The following TRAPPC9 variants were observed in gnomAD, a reference collection of about 807,000 sequenced individuals.
The protein encoded by TRAPPC9 is IKK2 binding protein.
TRAPPC9 carries 83 observed loss-of-function variants against 124.0 expected under a neutral mutation model. The ratio of observed to expected loss-of-function variants is 0.67; its 90% confidence interval spans 0.56 to 0.80. TRAPPC9 has a LOEUF of 0.80. TRAPPC9 is among the 30% of genes least tolerant of loss of function. The pLI, the probability that TRAPPC9 is intolerant of heterozygous loss-of-function variation, is 0.00. For synonymous variants in TRAPPC9, 638 were observed against 617.5 expected (o/e 1.03, Z -0.49); for missense variants, 1,302 against 1,508.3 (o/e 0.86, Z 2.27).
At chr8:140,181,059 T>C (rs1296289227) in intron 17 of TRAPPC9, among the ~76,000 whole-genome samples, 1 of 152,238 alleles carries the variant, frequency 6.6e-6, no homozygotes, top group Admixed American at 6.5e-5. Context: ...TTTCTATTCC[T>C]GGATCTCCAA....
At chr8:140,450,359 T>C (rs62527785) in intron 2 of TRAPPC9, among the ~76,000 whole-genome samples, 2,591 of 152,030 alleles carry the variant, frequency 0.017, 41 homozygotes, top group Non-Finnish European at 0.026. Flanking sequence ...AGACTCTGTC[T>C]CAAAAAAAAA....
At chr8:139,939,406 G>T (rs1443847324) in intron 19 of TRAPPC9, among the ~76,000 whole-genome samples, 3 of 152,208 alleles carry the variant, frequency 2.0e-5, no homozygotes, top group Non-Finnish European at 2.9e-5. Context: ...GCAGCCCCTG[G>T]CGAGTGAGGA....
At chr8:139,958,713 A>G (rs571927381) in intron 19 of TRAPPC9, among the ~76,000 whole-genome samples, 1 of 152,266 alleles carries the variant, frequency 6.6e-6, no homozygotes, top group African/African-American at 2.4e-5. Flanking sequence ...GAGGCACCAC[A>G]CTTATTTACA....
At chr8:140,295,539 G>A (rs751707900) in intron 11 of TRAPPC9, among the ~76,000 whole-genome samples, 1 of 152,170 alleles carries the variant, frequency 6.6e-6, no homozygotes, top group South Asian at 2.1e-4. Flanking sequence ...ATGACAGAAG[G>A]CCTTCAACCC....
chr8:140,375,822 C>G (rs760401517), intron 7 of TRAPPC9, among the ~76,000 whole-genome samples: 13 of 152,162 alleles, frequency 8.5e-5, no homozygotes, highest in African/African-American at 1.4e-4. Context: ...ATCAGAAGAA[C>G]AAGTCAGTGA....
At chr8:139,732,758 T>C (rs1162516529) in intron 21 of TRAPPC9, among the ~76,000 whole-genome samples, 1 of 152,188 alleles carries the variant, frequency 6.6e-6, no homozygotes, top group Non-Finnish European at 1.5e-5. Flanking sequence ...GTTTTCTTCA[T>C]TCTGTCAGCC....
chr8:139,918,936 C>A (rs1832327757), intron 19 of TRAPPC9, among the ~76,000 whole-genome samples: 4 of 152,168 alleles, frequency 2.6e-5, no homozygotes, highest in Admixed American at 2.6e-4. Context: ...CTTAACGGGA[C>A]TGCTTGGCCC....
intron 17 of TRAPPC9, among the ~76,000 whole-genome samples, chr8:140,209,359 A>G (rs2063002899): frequency 6.6e-6 from 1 of 152,228 alleles, no homozygotes; most frequent in African/African-American, 2.4e-5. Context: ...AATGGATTAC[A>G]TGAAATGTCA....
At position 139,728,506 on chromosome 8, in the gene TRAPPC9, C is replaced by T. The variant is rs1199624769; in HGVS notation, c.*2555G>A. Among the ~76,000 whole-genome samples, 2 of 152,206 alleles carry T rather than the reference C, an allele frequency of 1.3e-5. No individual in the cohort carries two copies. Among genetic ancestry groups the T allele is most frequent in the African/African-American group, 2.4e-5 (1 of 41,452 alleles). On this transcript the variant is annotated 3_prime_UTR_variant, in exon 23 of 23. Transcript: ENST00000438773. ...TACTGCGCTGTCACTGAGACACCTGCCCCAGGTCCTCCATCTCAGCCACTG... is the reference window on the plus strand; with the variant it reads ...TACTGCGCTGTCACTGAGACACCTGTCCCAGGTCCTCCATCTCAGCCACTG...
chr8:140,210,503 C>T (rs1010913340), intron 17 of TRAPPC9, among the ~76,000 whole-genome samples: 1 of 152,168 alleles, frequency 6.6e-6, no homozygotes, highest in Admixed American at 6.5e-5. Context: ...GAATCCCAGC[C>T]GGTTCTCCGG....
At chr8:139,800,304 T>A (rs1023288228) in intron 21 of TRAPPC9, among the ~76,000 whole-genome samples, 2 of 152,116 alleles carry the variant, frequency 1.3e-5, no homozygotes, top group East Asian at 3.9e-4. Flanking sequence ...GCCCAAGAAC[T>A]CAGCCAACAG....
intron 19 of TRAPPC9, among the ~76,000 whole-genome samples, chr8:139,945,543 C>CAAAAAAAAAAA (rs61528944): frequency 3.9e-4 from 26 of 66,170 alleles, no homozygotes; most frequent in Non-Finnish European, 4.5e-4. Context: ...GCACAATTAG[C>CAAAAAAAAAAA]AAAAAAAAAA....
At chr8:140,025,150 A>C (rs1840065184) in intron 17 of TRAPPC9, among the ~76,000 whole-genome samples, 1 of 152,214 alleles carries the variant, frequency 6.6e-6, no homozygotes, top group Non-Finnish European at 1.5e-5. Context: ...GTACAGGGCA[A>C]CATCAGGGGA....
intron 1 of TRAPPC9, among the ~76,000 whole-genome samples, chr8:140,457,265 G>C (rs1296787365): frequency 6.6e-6 from 1 of 152,164 alleles, no homozygotes; most frequent in Non-Finnish European, 1.5e-5. Flanking sequence ...GCCCGGGAGG[G>C]GAAGCCAGGC....
At chr8:140,247,024 C>A (rs956620134) in intron 16 of TRAPPC9, among the ~76,000 whole-genome samples, 6 of 152,048 alleles carry the variant, frequency 3.9e-5, no homozygotes, top group Non-Finnish European at 5.9e-5. Flanking sequence ...TTCCCATGCT[C>A]CCCCCATGTT....
At position 140,233,102 on chromosome 8, in the gene TRAPPC9, G is replaced by C. The variant is rs59363151; in HGVS notation, c.2432-11519C>G. On this transcript the variant is annotated intron_variant, in intron 16 of 22. Coordinates refer to ENST00000438773, the MANE Select transcript of TRAPPC9 (RefSeq NM_001160372.4). ...ACAGAGCTGACAGTTTCAAGGTAGA[G>C]CATTGATTTTTAAAAGTCTCCAAAG... 4.2e-3 allele frequency among the ~76,000 whole-genome samples: 640 copies of C among 152,272 alleles called. 7 individuals are homozygous for C. The highest frequency in any genetic ancestry group is 0.015 in the African/African-American group (612 of 41,548).
At chr8:140,108,457 G>A (rs1217472603) in intron 17 of TRAPPC9, among the ~76,000 whole-genome samples, 5 of 152,204 alleles carry the variant, frequency 3.3e-5, no homozygotes, top group South Asian at 2.1e-4. Flanking sequence ...CAGAGAAGGC[G>A]TTTAAAGCCA....
chr8:140,052,143 A>G (rs1340465345), intron 17 of TRAPPC9, among the ~76,000 whole-genome samples: 1 of 152,128 alleles, frequency 6.6e-6, no homozygotes, highest in Non-Finnish European at 1.5e-5. Context: ...AGGGTTTATA[A>G]TGCTAATTCA....
chr8:140,074,148 G>A (rs990486930), intron 17 of TRAPPC9, among the ~76,000 whole-genome samples: 9 of 152,304 alleles, frequency 5.9e-5, no homozygotes, highest in African/African-American at 2.2e-4. Flanking sequence ...AGCACGGAAT[G>A]AGTAGTGCAG....
Sources: allele counts gnomAD v4.1 joint callset (sites outside exome capture counted in the v4.1 genomes callset), GRCh38; gene constraint gnomAD v4.1.1; transcripts MANE v1.5; gene names NCBI Gene and HGNC (gene_info 2026-07-23, HGNC 2026-07-21).